The following VPS37A variants were observed in gnomAD, a reference collection of about 807,000 sequenced individuals.
VPS37A encodes vacuolar protein sorting-associated protein 37A.
Under a neutral mutation model 49.8 loss-of-function variants are expected in VPS37A, and 30 were observed. The ratio of observed to expected loss-of-function variants is 0.60; its 90% CI spans 0.45 to 0.82. VPS37A has a LOEUF of 0.82. Among genes scored for constraint, VPS37A ranks in the 40% least tolerant of loss-of-function variants. The pLI is 0.00. For synonymous variants in VPS37A, 195 were observed against 160.6 expected (o/e 1.21, Z -1.62); for missense variants, 593 against 464.4 (o/e 1.28, Z -2.55).
In VPS37A at chr8:17,247,521, C is replaced by G. The variant is rs957587784; in HGVS notation, c.125+152C>G. ...TGGGTCACACGCTTGCTCTGCCACT[C>G]CTGCCCCCTTTTACTGTTTTCCTCC... On this transcript the variant is annotated intron_variant, in intron 1 of 11. Coordinates refer to ENST00000324849, the MANE Select transcript of VPS37A (RefSeq NM_152415.3). The G allele has an allele frequency of 3.7e-6, 4 of 1,081,272 alleles. No homozygotes were observed. The South Asian group carries it at 4.4e-5, about 12-fold the overall frequency. 67.0% of individuals were successfully genotyped at this position (1,081,272 alleles called of 1,614,324 possible).
At chr8:17,311,736 C>A in the VPS37A span, 1 of 1,554,762 alleles carries the variant, frequency 6.4e-7, no homozygotes, top group South Asian at 1.2e-5. Flanking sequence ...CAGAAAGAAA[C>A]AGCCAAAACG....
chr8:17,267,691 T>A (rs932846997), intron 2 of VPS37A, among the ~76,000 whole-genome samples: 3 of 152,234 alleles, frequency 2.0e-5, no homozygotes, highest in Admixed American at 6.5e-5. Context: ...TATTTATTTT[T>A]ATCTTACTTT....
downstream of VPS37A, chr8:17,306,088 A>G: frequency 1.4e-6 from 1 of 713,492 alleles, no homozygotes; most frequent in South Asian, 2.3e-5. Context: ...TGGAATGACA[A>G]AAAAGGTAGA....
chr8:17,330,279 T>C, the VPS37A span, among the ~76,000 whole-genome samples: 1 of 152,196 alleles, frequency 6.6e-6, no homozygotes, highest in Non-Finnish European at 1.5e-5. Context: ...GAGCCTGCAT[T>C]TCCCATCAAG....
chr8:17,324,140 T>A, the VPS37A span, among the ~76,000 whole-genome samples: 2 of 152,212 alleles, frequency 1.3e-5, no homozygotes, highest in African/African-American at 4.8e-5. Flanking sequence ...AAGCAAGATC[T>A]TTCCTTCCTG....
chr8:17,318,799 G>A, the VPS37A span, among the ~76,000 whole-genome samples: 3 of 152,154 alleles, frequency 2.0e-5, no homozygotes, highest in African/African-American at 7.2e-5. Context: ...GCCCCCCAGG[G>A]ACAGCTGACA....
intron 6 of VPS37A, among the ~76,000 whole-genome samples, chr8:17,277,926 A>G (rs571132049): frequency 1.3e-5 from 2 of 151,890 alleles, no homozygotes; most frequent in East Asian, 3.9e-4. Context: ...GTGTATTTAC[A>G]TATGTTCGTA....
chr8:17,250,768 C>A (rs1554485600), intron 1 of VPS37A, among the ~76,000 whole-genome samples: 1 of 151,506 alleles, frequency 6.6e-6, no homozygotes, highest in Non-Finnish European at 1.5e-5. Context: ...CAGTCTTCTA[C>A]AAAAAAAATA....
At chr8:17,287,041 A>G (rs543821298) in intron 11 of VPS37A, among the ~76,000 whole-genome samples, 1 of 152,034 alleles carries the variant, frequency 6.6e-6, no homozygotes, top group Non-Finnish European at 1.5e-5. Context: ...TTAACTTTGC[A>G]TTTTCCCCTT....
In VPS37A at chr8:17,246,994, C is replaced by G. The variant is rs571153585; in HGVS notation, c.-251C>G. On this transcript the variant is annotated 5_prime_UTR_variant, in exon 1 of 12. Coordinates refer to ENST00000324849, the MANE Select transcript of VPS37A (RefSeq NM_152415.3). ...AGGCTCCCTGGCTGGCCGGTTTGGG[C>G]GTCTGGGCCGTGAAGGTGGGACCTC... 1.9e-4 allele frequency: 99 copies of G among 525,318 alleles called. No homozygotes were observed. The South Asian group carries it at 2.0e-3, about 11-fold the overall frequency. The allele number at this position is 525,318 out of a possible 1,614,324, so 32.5% of individuals were successfully genotyped here. A position where few individuals can be genotyped will look rare whatever the true frequency, so the allele number is the denominator to read the frequency against.
chr8:17,278,169 T>C (rs74877208), intron 6 of VPS37A, among the ~76,000 whole-genome samples: 585 of 152,228 alleles, frequency 3.8e-3, no homozygotes, highest in African/African-American at 0.013. Context: ...CCAATACTTA[T>C]GTCATAATTA....
intron 1 of VPS37A, chr8:17,247,720 C>T (rs1190952893): frequency 1.4e-6 from 1 of 702,674 alleles, no homozygotes; most frequent in African/African-American, 1.7e-5. Flanking sequence ...CACCTGATTG[C>T]CGCGTCAGCA....
rs910883744 is a variant in VPS37A at position 17,269,035 on chromosome 8, G to T, written c.416+79G>T. On this transcript the variant is annotated intron_variant, in intron 4 of 11. Transcript: ENST00000324849. ...CAAAATATAGTTTAAAAATTCAAAT[G>T]ATGTTAAAAATCAGTCCTCTGATTT... is the stretch of plus-strand genomic sequence containing the variant. The T allele has an allele frequency of 7.6e-6, 8 of 1,049,306 alleles. No individual in the cohort carries two copies. In the African/African-American group the frequency reaches 1.3e-4, roughly 17 times the overall value. 65.0% of individuals were successfully genotyped at this position (1,049,306 alleles called of 1,614,324 possible).
the VPS37A span, chr8:17,311,746 G>A: frequency 5.3e-6 from 8 of 1,514,878 alleles, no homozygotes; most frequent in East Asian, 2.3e-5. Context: ...CAGCCAAAAC[G>A]AAACACCTGT....
At chr8:17,312,297 G>T in the VPS37A span, among the ~76,000 whole-genome samples, 135 of 152,250 alleles carry the variant, frequency 8.9e-4, no homozygotes, top group Middle Eastern at 3.4e-3. Context: ...TGTCTCAGCT[G>T]GAGGCAGTGG....
intron 10 of VPS37A, among the ~76,000 whole-genome samples, chr8:17,285,057 A>AT (rs201756296): frequency 1.5e-4 from 22 of 142,264 alleles, no homozygotes; most frequent in African/African-American, 2.8e-4. Context: ...GAAAAAAAAA[A>AT]ATTTTTTTTT....
the VPS37A span, among the ~76,000 whole-genome samples, chr8:17,312,938 G>A: frequency 6.6e-6 from 1 of 152,184 alleles, no homozygotes; most frequent in Admixed American, 6.5e-5. Context: ...CTTATGCCAT[G>A]ACTAAAAAGA....
At chr8:17,298,954 C>G (rs1816919227), downstream of VPS37A, 1 of 152,192 alleles carries the variant, frequency 6.6e-6, no homozygotes, top group Admixed American at 6.5e-5. Context: ...ACAGACATGA[C>G]AACCCAATTC....
At chr8:17,326,125 C>T in the VPS37A span, among the ~76,000 whole-genome samples, 3 of 152,278 alleles carry the variant, frequency 2.0e-5, no homozygotes, top group South Asian at 4.1e-4. Context: ...CACACTGAGG[C>T]CAGGGCACCT....
Sources: gnomAD v4.1 joint callset for allele counts (sites outside exome capture counted in the v4.1 genomes callset) on GRCh38, gnomAD v4.1.1 for gene constraint, MANE v1.5 for transcripts, NCBI Gene and HGNC (gene_info 2026-07-23, HGNC 2026-07-21) for gene names.